USP54: variants seen among roughly 807,000 people sequenced by gnomAD.
The protein encoded by USP54 is ubiquitin carboxyl-terminal hydrolase 54.
In USP54, 87 loss-of-function variants were observed where a neutral mutation model predicts 170.5. The ratio of observed to expected loss-of-function variants is 0.51; its 90% confidence interval spans 0.43 to 0.61. The LOEUF is 0.61. Among genes scored for constraint, USP54 ranks in the 20% least tolerant of loss-of-function variants. The pLI is 0.00. For synonymous variants in USP54, 655 were observed against 742.8 expected, an observed-to-expected ratio of 0.88 and a Z score of 1.92; for missense variants, 1,786 against 2,047.8, an observed-to-expected ratio of 0.87 and a Z score of 2.47.
chr10:73,505,368 C>A lies in USP54; in HGVS notation c.4110G>T (p.Lys1370Asn). Residue 1370 changes from lysine to asparagine, a missense_variant, in exon 21 of 24, where the codon AAG becomes AAT. This residue lies in a region of USP54 where 1,418 missense variants were observed against 1,569.0 expected (regional missense o/e 0.90). Coordinates refer to ENST00000687698, the MANE Select transcript of USP54 (RefSeq NM_001391956.1). ...CATGCTCCATTTCTGCTGTTGAAGT[C>A]TTTGAGAGACCAGGATCATGGGCTG... ...LHSAHDPGLS[K>N]TSTAEMEHGL... 1 of 1,614,126 alleles carries A rather than the reference C, an allele frequency of 6.2e-7. No individual in the cohort carries two copies. The highest frequency in any genetic ancestry group is 2.2e-5 in the East Asian group (1 of 44,880).
chr10:73,568,453 C>A (rs1396633725), intron 4 of USP54, among the ~76,000 whole-genome samples: 1 of 152,098 alleles, frequency 6.6e-6, no homozygotes, highest in Non-Finnish European at 1.5e-5. Context: ...AGTCTATCTG[C>A]ATTACAAGTC....
chr10:73,507,446 C>A (rs7092904), intron 20 of USP54: 22,869 of 151,446 alleles, frequency 0.15, 2,803 homozygotes, highest in African/African-American at 0.32. Context: ...AGGCCAAGGC[C>A]GGTGGATCAC....
intron 1 of USP54, among the ~76,000 whole-genome samples, chr10:73,597,311 C>T (rs1311723636): frequency 6.6e-6 from 1 of 152,196 alleles, no homozygotes; most frequent in Non-Finnish European, 1.5e-5. Flanking sequence ...AGAAATTATG[C>T]TTTAGGAATC....
At chr10:73,536,862 T>A (rs1370011851) in intron 10 of USP54, among the ~76,000 whole-genome samples, 2 of 152,220 alleles carry the variant, frequency 1.3e-5, no homozygotes, top group Non-Finnish European at 2.9e-5. Flanking sequence ...ATCACTTTCA[T>A]GAAGCTGAAG....
intron 1 of USP54, among the ~76,000 whole-genome samples, chr10:73,618,759 A>G (rs111268604): frequency 6.8e-6 from 1 of 147,526 alleles, no homozygotes; most frequent in African/African-American, 2.6e-5. Context: ...AAAAAAAAAA[A>G]AAATTAGCCG....
At position 73,504,859 on chromosome 10, in the gene USP54, G is replaced by T; in HGVS notation, c.4302C>A (p.Ser1434=). ...VSEREEAPVS[S]HSFDSSNVRK... ...CCCTGATTCTACTTACAAAACTGTG[G>T]GAAGAAACCGGAGCTTCCTCCCTCT... Residue 1434 remains serine, a synonymous_variant, in exon 22 of 24, where the codon TCC becomes TCA. Coordinates refer to ENST00000687698, the MANE Select transcript of USP54 (RefSeq NM_001391956.1). The T allele has an allele frequency of 1.2e-6, 2 of 1,614,060 alleles. No homozygotes were observed. Among genetic ancestry groups the T allele is most frequent in the Non-Finnish European group, 1.7e-6 (2 of 1,180,016 alleles).
chr10:73,541,293 C>A (rs371016770), intron 9 of USP54, 82 bp downstream of exon 9: 12 of 1,571,680 alleles, frequency 7.6e-6, no homozygotes, highest in African/African-American at 2.7e-5. Flanking sequence ...TAGGACATAC[C>A]TGTTTGTCTA....
intron 1 of USP54, among the ~76,000 whole-genome samples, chr10:73,607,909 T>C (rs946531503): frequency 6.6e-6 from 1 of 151,360 alleles, no homozygotes; most frequent in Non-Finnish European, 1.5e-5. Flanking sequence ...AAGGATTAAA[T>C]GAGTTGCAGT....
At chr10:73,620,942 G>C (rs2081042382) in intron 1 of USP54, among the ~76,000 whole-genome samples, 2 of 149,864 alleles carry the variant, frequency 1.3e-5, no homozygotes, top group South Asian at 4.2e-4. Context: ...GATCGCCCAA[G>C]GTCAGGAGTT....
chr10:73,499,214 A>G (rs2057525072), intron 23 of USP54, 26 bp from the exon 24 acceptor site: 6 of 1,558,860 alleles, frequency 3.8e-6, no homozygotes, highest in Non-Finnish European at 4.3e-6. Context: ...AAACCCAAAG[A>G]CTGAGCATCT....
intron 12 of USP54, among the ~76,000 whole-genome samples, 171 bp from the exon 13 acceptor site, chr10:73,531,006 T>C (rs930696030): frequency 3.9e-5 from 6 of 151,928 alleles, no homozygotes. Context: ...AGTAGATAAA[T>C]GCAGAGAAGG....
intron 15 of USP54, among the ~76,000 whole-genome samples, 159 bp from the exon 16 acceptor site, chr10:73,526,939 T>C (rs950269004): frequency 4.6e-5 from 7 of 152,242 alleles, no homozygotes; most frequent in Non-Finnish European, 8.8e-5. Context: ...CATTCTCCTA[T>C]CTAACCTCAT....
chr10:73,599,299 C>T (rs2078987432), intron 1 of USP54, among the ~76,000 whole-genome samples: 1 of 152,090 alleles, frequency 6.6e-6, no homozygotes, highest in African/African-American at 2.4e-5. Flanking sequence ...AGAACAATCC[C>T]CTGATCCACA....
At chr10:73,558,171 C>T (rs566753500) in intron 4 of USP54, among the ~76,000 whole-genome samples, 61 of 152,222 alleles carry the variant, frequency 4.0e-4, no homozygotes, top group African/African-American at 9.6e-4. Context: ...TGAGCCACCA[C>T]GCCCAATCTT....
chr10:73,553,064 T>C (rs2069956683), intron 4 of USP54, among the ~76,000 whole-genome samples: 1 of 152,170 alleles, frequency 6.6e-6, no homozygotes, highest in African/African-American at 2.4e-5. Context: ...AGGAGGCATA[T>C]TTCCCATGAC....
chr10:73,561,448 G>T (rs2073034470), intron 4 of USP54, among the ~76,000 whole-genome samples: 1 of 152,046 alleles, frequency 6.6e-6, no homozygotes, highest in South Asian at 2.1e-4. Flanking sequence ...AACATAGCAA[G>T]ATCCTGTCTC....
chr10:73,513,592 C>T (rs1032093190), intron 20 of USP54: 1 of 152,050 alleles, frequency 6.6e-6, no homozygotes, highest in Non-Finnish European at 1.5e-5. Context: ...CAAATGCTCA[C>T]AGATATAACA....
At chr10:73,559,025 T>C (rs973688888) in intron 4 of USP54, among the ~76,000 whole-genome samples, 3 of 152,158 alleles carry the variant, frequency 2.0e-5, no homozygotes, top group Non-Finnish European at 4.4e-5. Context: ...AAAATACATA[T>C]AAATGGACCC....
intron 20 of USP54, among the ~76,000 whole-genome samples, chr10:73,510,802 A>G (rs2060079005): frequency 6.6e-6 from 1 of 152,102 alleles, no homozygotes; most frequent in Non-Finnish European, 1.5e-5. Flanking sequence ...ACAAAAGTTA[A>G]TTTTTTATTT....
Sources: allele counts gnomAD v4.1 joint callset (sites outside exome capture counted in the v4.1 genomes callset), GRCh38; gene constraint gnomAD v4.1.1; regional missense constraint gnomAD v4.1.1; transcripts MANE v1.5; gene names NCBI Gene and HGNC (gene_info 2026-07-23, HGNC 2026-07-21).